POU2F2: variants seen among roughly 807,000 people sequenced by gnomAD.
POU2F2 encodes POU domain, class 2, transcription factor 2.
POU2F2 carries 14 observed loss-of-function variants against 63.5 expected under a neutral mutation model. The ratio of observed to expected loss-of-function variants is 0.22; its 90% CI spans 0.15 to 0.34. The LOEUF is 0.34. Ranked by LOEUF, POU2F2 falls within the 10% of genes least tolerant of loss-of-function variation. The pLI is 1.00. For missense variants in POU2F2, 607 were observed against 815.2 expected, an observed-to-expected ratio of 0.74 and a Z score of 3.11; for synonymous variants, 306 against 348.6, an observed-to-expected ratio of 0.88 and a Z score of 1.36.
chr19:42,172,037 C>A (rs895704926), intron 1 of POU2F2, among the ~76,000 whole-genome samples: 1 of 152,212 alleles, frequency 6.6e-6, no homozygotes, highest in Non-Finnish European at 1.5e-5. Context: ...AGCTGAGCCT[C>A]CACAGACAGG....
At position 42,092,043 on chromosome 19, in the gene POU2F2, A is replaced by G; in HGVS notation, c.1466+26T>C. On this transcript the variant is annotated intron_variant, in intron 13 of 14. Coordinates refer to ENST00000692977, the MANE Select transcript of POU2F2 (RefSeq NM_001394376.1). The surrounding 1 kb of genome is among the most constrained non-coding windows in gnomAD (Gnocchi z 5.0). ...AGCAGCAGCGACCCTGCTTCTCCCC[A>G]CAGCTTCCCACGTGCACCCACTTAC... 6.3e-7 allele frequency: 1 copy of G among 1,584,030 alleles called. No individual in the cohort carries two copies. The highest frequency in any genetic ancestry group is 1.2e-5 in the South Asian group (1 of 86,298).
Position 42,086,832 on chromosome 19 carries a change from G to A in POU2F2, c.*4425C>T, listed in dbSNP as rs886913315. The A allele has an allele frequency of 2.6e-5, 4 of 152,210 alleles. No individual in the cohort carries two copies. Among genetic ancestry groups the A allele is most frequent in the African/African-American group, 9.7e-5 (4 of 41,428 alleles). The allele number at this position is 152,210 out of a possible 1,614,324, so 9.4% of individuals were successfully genotyped here. On this transcript the variant is annotated 3_prime_UTR_variant, in exon 15 of 15. Coordinates refer to ENST00000692977, the MANE Select transcript of POU2F2 (RefSeq NM_001394376.1). ...GAGAGGAAGGGGAGGGAGGCAGAAGGGAGGGGTCACAGACATAGTAAATAG... is the reference window on the plus strand; with the variant it reads ...GAGAGGAAGGGGAGGGAGGCAGAAGAGAGGGGTCACAGACATAGTAAATAG...
At chr19:42,189,766 G>A (rs1384343086) in intron 1 of POU2F2, among the ~76,000 whole-genome samples, 1 of 152,094 alleles carries the variant, frequency 6.6e-6, no homozygotes, top group African/African-American at 2.4e-5. Flanking sequence ...GAGATACTCT[G>A]TCACCTAGGC....
At chr19:42,097,052 A>G (rs1039436114) in intron 7 of POU2F2, among the ~76,000 whole-genome samples, 2 of 152,206 alleles carry the variant, frequency 1.3e-5, no homozygotes, top group Non-Finnish European at 2.9e-5. Flanking sequence ...TTTACAAAAA[A>G]GCAACAGCTC....
chr19:42,091,402 ACAGCCG>A lies in POU2F2; in HGVS notation c.1724_1729del (p.Ala575_Ala576del), dbSNP rs750450236. 6.5e-7 allele frequency: 1 copy of A among 1,546,420 alleles called. No individual in the cohort carries two copies. Among genetic ancestry groups the A allele is most frequent in the Non-Finnish European group, 8.7e-7 (1 of 1,146,908 alleles). On this transcript the variant is annotated inframe_deletion, in exon 15 of 15. Coordinates refer to ENST00000692977, the MANE Select transcript of POU2F2 (RefSeq NM_001394376.1). Reference sequence around the variant, plus strand: ...AGACTTGCTGGAGATGGAGGCTGCCACAGCCGCAGCCGCTGCTGAGACCAGGCCCAC... The same window carrying A: ...AGACTTGCTGGAGATGGAGGCTGCCACAGCCGCTGCTGAGACCAGGCCCAC...
In POU2F2 at chr19:42,087,097, T is replaced by C. The variant is rs1313312906; in HGVS notation, c.*4160A>G. 2.6e-5 allele frequency: 4 copies of C among 151,430 alleles called. No homozygotes were observed. In the South Asian group the frequency reaches 8.3e-4, roughly 31 times the overall value. 9.4% of individuals were successfully genotyped at this position (151,430 alleles called of 1,614,324 possible). A position where few individuals can be genotyped will look rare whatever the true frequency, so the allele number is the denominator to read the frequency against. On this transcript the variant is annotated 3_prime_UTR_variant, in exon 15 of 15. Coordinates refer to ENST00000692977, the MANE Select transcript of POU2F2 (RefSeq NM_001394376.1). Reference sequence around the variant, plus strand: ...ATTTTTATTTTTAATTTTTTTTCACTTTTTTTCCAACATATAAAAAGGTAG... The same window carrying C: ...ATTTTTATTTTTAATTTTTTTTCACCTTTTTTCCAACATATAAAAAGGTAG...
intron 2 of POU2F2, chr19:42,157,515 A>C (rs1028526088): frequency 2.0e-5 from 3 of 152,290 alleles, no homozygotes; most frequent in African/African-American, 4.8e-5. Flanking sequence ...AAATGGATGG[A>C]TCTAGGTTTA....
chr19:42,125,625 G>A (rs1179991905), intron 1 of POU2F2, among the ~76,000 whole-genome samples: 2 of 152,088 alleles, frequency 1.3e-5, no homozygotes, highest in Non-Finnish European at 1.5e-5. Context: ...ACTCTAACCC[G>A]GTCCTAAATC....
intron 5 of POU2F2, among the ~76,000 whole-genome samples, chr19:42,112,204 A>T (rs547497403): frequency 7.2e-4 from 109 of 152,194 alleles, no homozygotes; most frequent in Non-Finnish European, 1.3e-3. Context: ...GGCAGTTTTG[A>T]TTGGCCTGGT....
intron 12 of POU2F2, 29 bp downstream of exon 12, chr19:42,093,800 C>A: frequency 6.3e-7 from 1 of 1,586,108 alleles, no homozygotes; most frequent in South Asian, 1.1e-5. Flanking sequence ...CCTCCCAGTC[C>A]CCCCTCACCA....
chr19:42,102,073 CA>C (rs2077166379), intron 5 of POU2F2, among the ~76,000 whole-genome samples: 1 of 152,104 alleles, frequency 6.6e-6, no homozygotes, highest in Non-Finnish European at 1.5e-5. Context: ...ATGTGTTTAC[CA>C]CAAGACATGT....
At chr19:42,145,289 GCCT>G (rs1346462504) in intron 2 of POU2F2, among the ~76,000 whole-genome samples, 17 of 152,172 alleles carry the variant, frequency 1.1e-4, no homozygotes, top group Non-Finnish European at 2.5e-4. Flanking sequence ...ATTAGAAGCT[GCCT>G]TGGCCTCTCT....
intron 1 of POU2F2, among the ~76,000 whole-genome samples, chr19:42,166,556 C>T (rs561535653): frequency 6.6e-6 from 1 of 152,214 alleles, no homozygotes; most frequent in African/African-American, 2.4e-5. Flanking sequence ...TCTGTGGTCT[C>T]CCCTCCTTTG....
chr19:42,091,312 G>C lies in POU2F2; in HGVS notation c.1820C>G (p.Ala607Gly), dbSNP rs957068196. 1 of 1,534,392 alleles carries C rather than the reference G, an allele frequency of 6.5e-7. No homozygotes were observed. Among genetic ancestry groups the C allele is most frequent in the African/African-American group, 1.4e-5 (1 of 72,880 alleles). ...CCCTGGACCTCCAGGGGTCTGTGCT[G>C]CCGTCTCGCTGCAAGTGGAGGAGGA... ...SSSSSTCSETAAQTPGGPGGP... is the reference protein window; with the variant it reads ...SSSSSTCSETGAQTPGGPGGP... Residue 607 changes from alanine (A) to glycine (G), a missense_variant, in exon 15 of 15, where the codon GCA becomes GGA. Around this residue, in one of 7 missense-constraint regions of POU2F2, gnomAD observed 270 missense variants for 307.5 expected, o/e 0.88. Transcript: ENST00000692977.
intron 1 of POU2F2, among the ~76,000 whole-genome samples, chr19:42,129,135 C>G (rs557061933): frequency 1.3e-5 from 2 of 152,116 alleles, no homozygotes; most frequent in African/African-American, 2.4e-5. Context: ...ACCCAGCCCC[C>G]TCCTGGTGAT....
intron 1 of POU2F2, among the ~76,000 whole-genome samples, chr19:42,188,899 A>AGAAGAGAG (rs1156442713): frequency 2.9e-5 from 1 of 34,556 alleles, no homozygotes; most frequent in African/African-American, 7.2e-5. Context: ...AGGGAGGAAG[A>AGAAGAGAG]GAAGAGAGGA....
chr19:42,145,255 C>G (rs192206000), intron 2 of POU2F2, among the ~76,000 whole-genome samples: 1 of 152,274 alleles, frequency 6.6e-6, no homozygotes, highest in East Asian at 1.9e-4. Flanking sequence ...TTCCTTCGTT[C>G]TTAGTACACT....
intron 1 of POU2F2, among the ~76,000 whole-genome samples, chr19:42,183,262 G>A (rs186151475): frequency 7.0e-4 from 107 of 152,276 alleles, no homozygotes; most frequent in Middle Eastern, 6.8e-3. Flanking sequence ...GTGGGGGAGG[G>A]AATGAACAAT....
At chr19:42,151,082 G>A (rs572118078) in intron 2 of POU2F2, among the ~76,000 whole-genome samples, 14 of 152,304 alleles carry the variant, frequency 9.2e-5, no homozygotes, top group African/African-American at 2.4e-4. Context: ...GCTCACTCCC[G>A]GAGCCATTTG....
Sources: gnomAD v4.1 joint callset for allele counts (sites outside exome capture counted in the v4.1 genomes callset) on GRCh38, gnomAD v4.1.1 for gene constraint, gnomAD v4.1.1 regional missense constraint, Gnocchi (gnomAD v3.1) non-coding constraint, MANE v1.5 for transcripts, NCBI Gene and HGNC (gene_info 2026-07-23, HGNC 2026-07-21) for gene names.